Variants in P2RY8 observed in about 807,000 individuals in gnomAD.
P2RY8 encodes the protein S-geranylgeranyl-glutathione receptor P2RY8.
A neutral mutation model predicts 10.0 loss-of-function variants in P2RY8; 6 were observed. That is an observed-to-expected ratio of 0.60 (90% CI 0.33 to 1.19). The LOEUF is 1.19. P2RY8 is among the 50% of genes most tolerant of loss of function. The probability of loss-of-function intolerance (pLI) is 0.04; values close to 1 mark genes in which losing one functional copy is unlikely to be tolerated. For missense variants in P2RY8, 456 were observed against 542.0 expected (o/e 0.84, Z 1.58); for synonymous variants, 276 against 252.5 (o/e 1.09, Z -0.88).
At chrX:1,509,753 C>G (rs866549767) in intron 1 of P2RY8, among the ~76,000 whole-genome samples, 2,570 of 76,096 alleles carry the variant, frequency 0.034, 37 homozygotes, top group Middle Eastern at 0.092. Flanking sequence ...ATCTATCTGT[C>G]TATCTATCTA....
chrX:1,491,618 C>T (rs112934856), intron 1 of P2RY8, among the ~76,000 whole-genome samples: 2 of 151,324 alleles, frequency 1.3e-5, no homozygotes, highest in South Asian at 2.1e-4. Flanking sequence ...CAATGAGTGA[C>T]GGAATGTGTG....
chrX:1,471,300 G>T (rs1264116491), intron 1 of P2RY8, among the ~76,000 whole-genome samples: 1 of 110,362 alleles, frequency 9.1e-6, no homozygotes, highest in African/African-American at 3.6e-5. Flanking sequence ...GAGCCACCGC[G>T]CCCAGCCCAT....
At chrX:1,517,267 C>A (rs1209429281) in intron 1 of P2RY8, among the ~76,000 whole-genome samples, 7 of 151,992 alleles carry the variant, frequency 4.6e-5, no homozygotes, top group African/African-American at 1.2e-4. Context: ...AGAGGGACGA[C>A]CCCGTGAGGA....
chrX:1,501,569 C>T (rs1354696048), intron 1 of P2RY8, among the ~76,000 whole-genome samples: 1 of 151,684 alleles, frequency 6.6e-6, no homozygotes, highest in African/African-American at 2.4e-5. Context: ...CTATATTGCC[C>T]CGTCTTAGTT....
intron 1 of P2RY8, among the ~76,000 whole-genome samples, chrX:1,510,870 C>T (rs780794184): frequency 6.6e-6 from 1 of 151,622 alleles, no homozygotes; most frequent in East Asian, 1.9e-4. Context: ...CAGAGTGTGA[C>T]TCCGTCTCAA....
intron 1 of P2RY8, among the ~76,000 whole-genome samples, chrX:1,467,091 G>A (rs868049931): frequency 3.9e-5 from 6 of 152,212 alleles, no homozygotes; most frequent in Middle Eastern, 3.4e-3. Context: ...CCCCAGGGTG[G>A]TCTTAATGGG....
intron 1 of P2RY8, among the ~76,000 whole-genome samples, chrX:1,535,965 G>A (rs1387190900): frequency 2.6e-5 from 4 of 152,106 alleles, no homozygotes; most frequent in Admixed American, 6.5e-5. Context: ...TGAGGTGGCC[G>A]TGAGACCCGG....
chrX:1,522,060 C>G (rs1182452721), intron 1 of P2RY8, among the ~76,000 whole-genome samples: 1 of 137,600 alleles, frequency 7.3e-6, no homozygotes, highest in Non-Finnish European at 1.5e-5. Context: ...TCAGGTGATT[C>G]TCCTGCCTCA....
Position 1,530,408 on chromosome X carries a change from A to T in P2RY8, c.-25+6513T>A, listed in dbSNP as rs527936860. On this transcript the variant is annotated intron_variant, in intron 1 of 1. Transcript: ENST00000381297. Reference sequence around the variant, plus strand: ...CTATCATCTATCTCTCTAATCTATTAATGCACCTATGTATGTATCTATGTA... The same window carrying T: ...CTATCATCTATCTCTCTAATCTATTTATGCACCTATGTATGTATCTATGTA... 3.3e-5 allele frequency among the ~76,000 whole-genome samples: 5 copies of T among 151,580 alleles called. No homozygotes were observed. In the South Asian group the frequency reaches 1.0e-3, roughly 32 times the overall value.
intron 1 of P2RY8, among the ~76,000 whole-genome samples, chrX:1,484,088 G>T (rs1191434319): frequency 4.0e-5 from 6 of 151,794 alleles, no homozygotes; most frequent in African/African-American, 7.3e-5. Context: ...TACCTAAAAA[G>T]CTGGGTTCCC....
intron 1 of P2RY8, among the ~76,000 whole-genome samples, chrX:1,509,969 C>T (rs1657797265): frequency 1.5e-5 from 1 of 67,396 alleles, no homozygotes; most frequent in South Asian, 4.3e-4. Context: ...ATCTATGCAT[C>T]CATCCATCCA....
chrX:1,512,938 G>C (rs754776698), intron 1 of P2RY8, among the ~76,000 whole-genome samples: 2 of 152,104 alleles, frequency 1.3e-5, no homozygotes, highest in African/African-American at 4.8e-5. Flanking sequence ...ATGCCATGGT[G>C]GTTTGCTGCA....
rs1276968272 is a variant in P2RY8 at position 1,466,564 on chromosome X, A to T, written c.-6T>A. 60 of 1,601,456 alleles carry T rather than the reference A, an allele frequency of 3.7e-5. 2 individuals carry two copies. The Admixed American group carries it at 1.0e-3, about 27-fold the overall frequency. On this transcript the variant is annotated 5_prime_UTR_variant, in exon 2 of 2. Transcript: ENST00000381297. ...GTGCTGTTCGGGACCTGCATCCTGG[A>T]GGGGTCCTCGCCCGGGCTCTGCAAG...
In P2RY8 at chrX:1,496,766, C is replaced by T. The variant is rs755765108; in HGVS notation, c.-24-30184G>A. ...AGGTTGGAGTGCAGTAGCGCGATGTCGGCTCCCTGCAACCTCCGCCTCCCT... is the reference window on the plus strand; with the variant it reads ...AGGTTGGAGTGCAGTAGCGCGATGTTGGCTCCCTGCAACCTCCGCCTCCCT... On this transcript the variant is annotated intron_variant, in intron 1 of 1. Transcript: ENST00000381297. Among the ~76,000 whole-genome samples the T allele has an allele frequency of 2.2e-3, 285 of 132,278 alleles. 2 individuals are homozygous for T. The highest frequency in any genetic ancestry group is 6.4e-3 in the African/African-American group (208 of 32,666). The allele number at this position is 132,278 out of a possible 152,430, so 86.8% of individuals were successfully genotyped here.
chrX:1,492,880 G>A (rs1308245878), intron 1 of P2RY8, among the ~76,000 whole-genome samples: 2 of 151,932 alleles, frequency 1.3e-5, no homozygotes, highest in African/African-American at 4.8e-5. Flanking sequence ...CAAGGCTAAC[G>A]AGCAGCACTC....
chrX:1,526,439 ATTCG>A lies in P2RY8; in HGVS notation c.-25+10478_-25+10481del, dbSNP rs1332589250. On this transcript the variant is annotated intron_variant, in intron 1 of 1. Transcript: ENST00000381297. ...CATCCATTCATTCATTCATTCATTC[ATTCG>A]CTCATTTATTCCTTATCCAGCCACT... Among the ~76,000 whole-genome samples, 161 of 151,466 alleles carry A rather than the reference ATTCG, an allele frequency of 1.1e-3. 1 individual carries two copies. Among genetic ancestry groups the A allele is most frequent in the South Asian group, 2.3e-3 (11 of 4,748 alleles).
intron 1 of P2RY8, among the ~76,000 whole-genome samples, chrX:1,473,691 G>T (rs1362123824): frequency 6.7e-6 from 1 of 150,122 alleles, no homozygotes; most frequent in Non-Finnish European, 1.5e-5. Context: ...TAGATGAGTA[G>T]GTGGATGTAT....
chrX:1,488,352 C>G (rs1472268294), intron 1 of P2RY8, among the ~76,000 whole-genome samples: 1 of 152,186 alleles, frequency 6.6e-6, no homozygotes, highest in African/African-American at 2.4e-5. Context: ...CTGTCAGGCA[C>G]AGATGATGTG....
intron 1 of P2RY8, among the ~76,000 whole-genome samples, chrX:1,493,716 C>G (rs2092089585): frequency 6.6e-6 from 1 of 152,168 alleles, no homozygotes; most frequent in Non-Finnish European, 1.5e-5. Flanking sequence ...CGGCGTGGGC[C>G]GGCCTGTACC....
Sources: allele counts gnomAD v4.1 joint callset (sites outside exome capture counted in the v4.1 genomes callset), GRCh38; gene constraint gnomAD v4.1.1; transcripts MANE v1.5; gene names NCBI Gene and HGNC (gene_info 2026-07-23, HGNC 2026-07-21).